SPIN2A: variants seen among roughly 807,000 people sequenced by gnomAD.
The protein encoded by SPIN2A is spindlin-2A.
SPIN2A carries 4 observed loss-of-function variants against 9.2 expected under a neutral mutation model. The observed-to-expected ratio is 0.44, with a 90% CI of 0.21 to 1.00. The LOEUF is 1.00. SPIN2A is among the 50% of genes least tolerant of loss of function. The pLI is 0.26. For missense variants in SPIN2A, 77 were observed against 172.8 expected (o/e 0.45, Z 3.11); for synonymous variants, 25 against 61.2 (o/e 0.41, Z 2.76).
At chrX:57,145,259 G>GGC in the SPIN2A span, among the ~76,000 whole-genome samples, 2 of 108,037 alleles carry the variant, frequency 1.9e-5, 1 homozygote, top group African/African-American at 7.1e-5. Context: ...CTTTTGGGGG[G>GGC]GGGTAAGGTG....
chrX:57,140,565 A>G (rs1198685138), upstream of SPIN2A, among the ~76,000 whole-genome samples: 1 of 101,375 alleles, frequency 9.9e-6, no homozygotes, highest in East Asian at 3.1e-4. Context: ...ACTGCACTCC[A>G]TCCAGCCTGG....
the SPIN2A span, among the ~76,000 whole-genome samples, chrX:57,142,570 T>A: frequency 8.9e-6 from 1 of 112,244 alleles, no homozygotes; most frequent in African/African-American, 3.2e-5. Context: ...GAGAAGAATG[T>A]GTATTCTGCT....
At chrX:57,143,358 G>A in the SPIN2A span, among the ~76,000 whole-genome samples, 5 of 110,747 alleles carry the variant, frequency 4.5e-5, no homozygotes, top group Admixed American at 9.7e-5. Flanking sequence ...TAACTCGGAC[G>A]ATGGTGGAGA....
At chrX:57,142,936 T>G in the SPIN2A span, among the ~76,000 whole-genome samples, 1 of 111,713 alleles carries the variant, frequency 9.0e-6, no homozygotes, top group East Asian at 2.8e-4. Context: ...CTGCTCTATT[T>G]TGGTTTCCAT....
chrX:57,139,925 T>C, upstream of SPIN2A, among the ~76,000 whole-genome samples: 1 of 112,057 alleles, frequency 8.9e-6, no homozygotes, highest in Admixed American at 9.4e-5. Flanking sequence ...AGAGATTGAG[T>C]TTATGTATAT....
Position 57,135,761 on chromosome X carries a change from T to C in SPIN2A, c.*60A>G, listed in dbSNP as rs1927682952. On this transcript the variant is annotated 3_prime_UTR_variant, in exon 2 of 2. Coordinates refer to ENST00000374906, the MANE Select transcript of SPIN2A (RefSeq NM_019003.5). ...TTCAGTACACTGAAAGGCAACATTT[T>C]TTGCATGTCTACAAATTATACATTT... is the stretch of plus-strand genomic sequence containing the variant. 8.6e-7 allele frequency: 1 copy of C among 1,166,905 alleles called. No homozygotes were observed. Among genetic ancestry groups the C allele is most frequent in the Admixed American group, 2.4e-5 (1 of 40,981 alleles).
chrX:57,143,475 GTAT>G, the SPIN2A span, among the ~76,000 whole-genome samples: 35 of 109,175 alleles, frequency 3.2e-4, no homozygotes, highest in East Asian at 1.1e-3. Context: ...AAAATTGCTC[GTAT>G]TATTATTATT....
At chrX:57,137,092 C>T (rs1327905757) in intron 1 of SPIN2A, 168 bp downstream of exon 1, 90 of 780,734 alleles carry the variant, frequency 1.2e-4, no homozygotes, top group African/African-American at 3.7e-4. Flanking sequence ...CTTTCCCTGT[C>T]GTCCACCGCA....
chrX:57,134,622 G>A (rs1335410360), downstream of SPIN2A: 1 of 111,469 alleles, frequency 9.0e-6, no homozygotes, highest in Non-Finnish European at 1.9e-5. Context: ...TGATGAGACT[G>A]CTGTACCTGA....
chrX:57,140,268 A>C (rs1052769359), upstream of SPIN2A, among the ~76,000 whole-genome samples: 1 of 109,670 alleles, frequency 9.1e-6, no homozygotes, highest in African/African-American at 3.3e-5. Flanking sequence ...ATAAAATCAT[A>C]TTATCTGCAA....
At chrX:57,137,215 G>A (rs1927841204) in intron 1 of SPIN2A, 45 bp downstream of exon 1, 8 of 758,553 alleles carry the variant, frequency 1.1e-5, no homozygotes, top group Non-Finnish European at 1.2e-5. Context: ...CCTGCCTGGC[G>A]TCCACCGCCG....
the SPIN2A span, among the ~76,000 whole-genome samples, chrX:57,146,532 T>G: frequency 1.8e-5 from 2 of 112,038 alleles, no homozygotes; most frequent in Admixed American, 1.9e-4. Flanking sequence ...TGACTTCCTC[T>G]TTACCAATAT....
At position 57,136,244 on chromosome X, in the gene SPIN2A, G is replaced by T; in HGVS notation, c.354C>A (p.His118Gln). 1 of 1,206,247 alleles carries T rather than the reference G, an allele frequency of 8.3e-7. No homozygotes were observed. Among genetic ancestry groups the T allele is most frequent in the South Asian group, 1.8e-5 (1 of 56,302 alleles). ...KILSDRVASS[H>Q]ISDANLANTI... The stretch of plus-strand genomic sequence containing the variant: ...TATTTGCAAGGTTGGCATCACTAAT[G>T]TGAGATGATGCCACCCTGTCAGAAA... Residue 118 changes from histidine (H) to glutamine (Q), a missense_variant, in exon 2 of 2, where the codon CAC becomes CAA. By Grantham distance (24) the His-to-Gln change is conservative. Transcript: ENST00000374906.
chrX:57,138,743 A>G (rs1021521055), upstream of SPIN2A, among the ~76,000 whole-genome samples: 1 of 111,366 alleles, frequency 9.0e-6, no homozygotes, highest in Non-Finnish European at 1.9e-5. Flanking sequence ...TGTCTTTTTG[A>G]TAATAGCCAT....
In SPIN2A at chrX:57,135,893, T is replaced by C; in HGVS notation, c.705A>G (p.Lys235=). Residue 235 remains lysine (K), a synonymous_variant, in exon 2 of 2, where the codon AAA becomes AAG. Transcript: ENST00000374906. ...IGMVIHQVET[K]PSVYFIKFDD... ...CAAACTTGATGAAATACACAGAGGG[T>C]TTGGTTTCCACTTGGTGAATGACCA... 3.3e-6 allele frequency: 4 copies of C among 1,209,650 alleles called. No individual in the cohort carries two copies. Among genetic ancestry groups the C allele is most frequent in the Non-Finnish European group, 4.5e-6 (4 of 893,684 alleles).
At chrX:57,146,154 A>C in the SPIN2A span, among the ~76,000 whole-genome samples, 2 of 110,313 alleles carry the variant, frequency 1.8e-5, no homozygotes, top group African/African-American at 6.6e-5. Context: ...GGTTGCTTTT[A>C]ACAGTATGGT....
upstream of SPIN2A, among the ~76,000 whole-genome samples, chrX:57,137,883 A>C (rs981461488): frequency 1.2e-4 from 13 of 111,780 alleles, no homozygotes; most frequent in African/African-American, 2.0e-4. Context: ...ATATATATAT[A>C]TCTCCAAGCA....
At chrX:57,134,421 T>A, downstream of SPIN2A, 1 of 111,200 alleles carries the variant, frequency 9.0e-6, no homozygotes, top group Non-Finnish European at 1.9e-5. Flanking sequence ...CTAACCAGAA[T>A]GTGGCTTCTT....
At chrX:57,146,389 G>T in the SPIN2A span, among the ~76,000 whole-genome samples, 2 of 111,666 alleles carry the variant, frequency 1.8e-5, no homozygotes, top group African/African-American at 6.5e-5. Flanking sequence ...GTGTATAGCA[G>T]AGCTACTGAT....
Sources: allele counts gnomAD v4.1 joint callset (sites outside exome capture counted in the v4.1 genomes callset), GRCh38; gene constraint gnomAD v4.1.1; transcripts MANE v1.5; gene names NCBI Gene and HGNC (gene_info 2026-07-23, HGNC 2026-07-21).